Variants in HERC4 observed in about 807,000 individuals in gnomAD.
HERC4 encodes the protein probable E3 ubiquitin-protein ligase HERC4.
HERC4 carries 28 observed loss-of-function variants against 124.3 expected under a neutral mutation model. The observed-to-expected ratio is 0.23, with a 90% CI of 0.17 to 0.31. HERC4 has a LOEUF of 0.31. Ranked by LOEUF, HERC4 falls within the 10% of genes least tolerant of loss-of-function variation. The probability of loss-of-function intolerance (pLI) is 1.00; values close to 1 mark genes in which losing one functional copy is unlikely to be tolerated. For missense variants in HERC4, 713 were observed against 1,229.3 expected (o/e 0.58, Z 6.28); for synonymous variants, 407 against 421.5 (o/e 0.97, Z 0.42).
In HERC4 at chr10:67,984,998, A is replaced by G. The variant is rs866178647; in HGVS notation, c.1806+3665T>C. On this transcript the variant is annotated intron_variant, in intron 15 of 24. Transcript: ENST00000373700. ...TTAAAGAAACGCAACCAGTGTTTGCAGTTTGTATATCTTGCTGATATGATA... is the reference window on the plus strand; with the variant it reads ...TTAAAGAAACGCAACCAGTGTTTGCGGTTTGTATATCTTGCTGATATGATA... Among the ~76,000 whole-genome samples the G allele has an allele frequency of 2.0e-5, 3 of 152,362 alleles. No individual in the cohort carries two copies. In the South Asian group the frequency reaches 6.2e-4, roughly 32 times the overall value.
chr10:68,040,289 G>C, intron 4 of HERC4: 1 of 979,468 alleles, frequency 1.0e-6, no homozygotes, highest in Non-Finnish European at 1.2e-6. Context: ...GAGACCAGAA[G>C]TATATTCTTC....
intron 16 of HERC4, 73 bp downstream of exon 16, chr10:67,966,610 C>T: frequency 6.9e-7 from 1 of 1,445,716 alleles, no homozygotes; most frequent in Non-Finnish European, 9.3e-7. Flanking sequence ...CATTTCAAAA[C>T]CAAGCAATTG....
chr10:67,997,581 G>C (rs1401757951), intron 9 of HERC4, among the ~76,000 whole-genome samples: 1 of 152,086 alleles, frequency 6.6e-6, no homozygotes, highest in Non-Finnish European at 1.5e-5. Flanking sequence ...CACCCAAATA[G>C]ATCTGTTTGA....
intron 9 of HERC4, among the ~76,000 whole-genome samples, chr10:68,000,202 G>A (rs1003100249): frequency 2.0e-5 from 3 of 152,124 alleles, no homozygotes; most frequent in South Asian, 2.1e-4. Flanking sequence ...TAACAGGGGC[G>A]ATGCTGAGGA....
chr10:67,983,889 GGAGACGGAGGTTGCAGTGAGCT>G (rs1047337825), intron 15 of HERC4, among the ~76,000 whole-genome samples: 3 of 152,136 alleles, frequency 2.0e-5, no homozygotes, highest in African/African-American at 7.2e-5. Context: ...CTTGAACCCG[GGAGACGGAGGTTGCAGTGAGCT>G]GAGACTGTGC....
intron 3 of HERC4, among the ~76,000 whole-genome samples, chr10:68,057,638 A>AAG (rs1554829621): frequency 1.5e-4 from 23 of 151,380 alleles, no homozygotes; most frequent in African/African-American, 4.1e-4. Flanking sequence ...AAAAAAAAAA[A>AAG]GTATAACTAA....
intron 22 of HERC4, among the ~76,000 whole-genome samples, chr10:67,933,677 A>AT (rs1446546953): frequency 6.6e-6 from 1 of 152,116 alleles, no homozygotes; most frequent in Non-Finnish European, 1.5e-5. Context: ...AAACAGCTTT[A>AT]TTTTTATCAA....
At chr10:67,987,301 G>C (rs757308081) in intron 15 of HERC4, among the ~76,000 whole-genome samples, 3 of 151,986 alleles carry the variant, frequency 2.0e-5, no homozygotes, top group African/African-American at 4.8e-5. Context: ...CCATTTTCTC[G>C]AGGTAAAAGA....
intron 23 of HERC4, among the ~76,000 whole-genome samples, chr10:67,930,316 C>A (rs2031656237): frequency 6.6e-6 from 1 of 152,148 alleles, no homozygotes; most frequent in African/African-American, 2.4e-5. Context: ...ACTTCAGTAG[C>A]ATTAACTACA....
At chr10:67,929,431 A>C (rs977246238) in intron 23 of HERC4, among the ~76,000 whole-genome samples, 11 of 152,190 alleles carry the variant, frequency 7.2e-5, no homozygotes, top group African/African-American at 2.7e-4. Context: ...ATGTCACATA[A>C]ATGGAGCCAT....
intron 21 of HERC4, among the ~76,000 whole-genome samples, chr10:67,939,057 ATTTGT>A (rs1163980279): frequency 2.6e-5 from 4 of 152,332 alleles, no homozygotes; most frequent in African/African-American, 9.6e-5. Context: ...ATGCATTTGC[ATTTGT>A]TTTATCTACA....
In HERC4 at chr10:68,060,583, A is replaced by C. The variant is rs181061115; in HGVS notation, c.226+12300T>G. Among the ~76,000 whole-genome samples the C allele has an allele frequency of 3.3e-3, 497 of 152,254 alleles. 1 individual carries two copies. The highest frequency in any genetic ancestry group is 0.011 in the African/African-American group (473 of 41,550). On this transcript the variant is annotated intron_variant, in intron 3 of 24. Transcript: ENST00000373700. ...TATTTCAACACTAAATTTCTCTCCA[A>C]TTATATGGTTTATGTGTTTCTTCAC... is the stretch of plus-strand genomic sequence containing the variant.
chr10:67,992,344 A>G (rs369641187), intron 10 of HERC4, 21 bp from the exon 11 acceptor site: 434 of 1,611,546 alleles, frequency 2.7e-4, no homozygotes, highest in Non-Finnish European at 3.6e-4. Context: ...AAATAAGATT[A>G]GTCAGAGGGA....
chr10:67,960,218 G>T (rs1468674573), intron 16 of HERC4, among the ~76,000 whole-genome samples: 2 of 152,156 alleles, frequency 1.3e-5, no homozygotes, highest in Non-Finnish European at 2.9e-5. Flanking sequence ...GAAATACTCT[G>T]TATTGTTACA....
chr10:68,050,932 C>A (rs1430952197), intron 3 of HERC4, among the ~76,000 whole-genome samples: 1 of 150,928 alleles, frequency 6.6e-6, no homozygotes, highest in Non-Finnish European at 1.5e-5. Flanking sequence ...GAAAGGGATG[C>A]AAAAAAAACT....
rs1312563696 is a variant in HERC4, at chr10:67,975,416, CAG to C, written c.1807-8616_1807-8615del. On this transcript the variant is annotated intron_variant, in intron 15 of 24. Transcript: ENST00000373700. ...CTCATGCATTCTATTTTTTTTTGGA[CAG>C]AGTCTTGCTCTGTTGACACCTCCCA... Among the ~76,000 whole-genome samples the C allele has an allele frequency of 7.2e-5, 11 of 151,934 alleles. No homozygotes were observed. The East Asian group carries it at 1.9e-3, about 27-fold the overall frequency.
At chr10:68,058,407 A>G (rs1589441649) in intron 3 of HERC4, among the ~76,000 whole-genome samples, 2 of 152,326 alleles carry the variant, frequency 1.3e-5, no homozygotes, top group South Asian at 4.1e-4. Flanking sequence ...GGTAATTATG[A>G]AAGCAATATA....
chr10:67,941,188 C>T (rs2032853078), intron 19 of HERC4, 83 bp from the exon 20 acceptor site: 10 of 956,486 alleles, frequency 1.0e-5, no homozygotes, highest in Non-Finnish European at 1.5e-5. Context: ...TGCTCATATA[C>T]AATTTTGAAG....
chr10:67,990,658 C>A (rs1164440276), intron 13 of HERC4, among the ~76,000 whole-genome samples: 1 of 152,044 alleles, frequency 6.6e-6, no homozygotes, highest in Non-Finnish European at 1.5e-5. Context: ...AACTCTCTAC[C>A]TCTATAACCA....
Sources: gnomAD v4.1 joint callset for allele counts (sites outside exome capture counted in the v4.1 genomes callset) on GRCh38, gnomAD v4.1.1 for gene constraint, MANE v1.5 for transcripts, NCBI Gene and HGNC (gene_info 2026-07-23, HGNC 2026-07-21) for gene names.